STPG2: variants seen among roughly 807,000 people sequenced by gnomAD.
The protein encoded by STPG2 is sperm tail PG-rich repeat containing 2.
In STPG2, 56 loss-of-function variants were observed where a neutral mutation model predicts 54.2. That is an observed-to-expected ratio of 1.03 (90% CI 0.83 to 1.29). The LOEUF is 1.29. Among genes scored for constraint, STPG2 ranks in the 50% most tolerant of loss-of-function variants. STPG2 has a pLI of 0.00. For synonymous variants in STPG2, 200 were observed against 181.8 expected (o/e 1.10, Z -0.81); for missense variants, 596 against 544.9 (o/e 1.09, Z -0.93).
Position 98,022,380 on chromosome 4 carries a change from G to C in STPG2, c.613-41062C>G, listed in dbSNP as rs1736243438. On this transcript the variant is annotated intron_variant, in intron 5 of 10. Transcript: ENST00000295268. ...TTCTGGCTTGTAGAGTTTCTGCCAAGAGATCCACTGTTAGTCTGATGGGCT... is the reference window on the plus strand; with the variant it reads ...TTCTGGCTTGTAGAGTTTCTGCCAACAGATCCACTGTTAGTCTGATGGGCT... Among the ~76,000 whole-genome samples, 6 of 152,182 alleles carry C rather than the reference G, an allele frequency of 3.9e-5. No homozygotes were observed. In the South Asian group the frequency reaches 1.2e-3, roughly 32 times the overall value.
chr4:98,095,271 C>G (rs183035311), intron 5 of STPG2, among the ~76,000 whole-genome samples: 89 of 152,184 alleles, frequency 5.8e-4, no homozygotes, highest in Admixed American at 1.5e-3. Flanking sequence ...GAGAAGACCA[C>G]AAAACAACCA....
intron 1 of STPG2, among the ~76,000 whole-genome samples, chr4:98,138,190 T>C (rs1578189216): frequency 1.3e-5 from 2 of 151,980 alleles, no homozygotes; most frequent in South Asian, 4.1e-4. Context: ...GCCTGACAAA[T>C]AGACAATTAT....
In STPG2 at chr4:97,871,461, A is replaced by C. The variant is rs1729987931; in HGVS notation, c.1045-30529T>G. Among the ~76,000 whole-genome samples, 3 of 151,032 alleles carry C rather than the reference A, an allele frequency of 2.0e-5. No individual in the cohort carries two copies. The South Asian group carries it at 6.2e-4, about 31-fold the overall frequency. On this transcript the variant is annotated intron_variant, in intron 8 of 10. Transcript: ENST00000295268. ...TTTAAAAGTAAGGATTGACAGTTGA[A>C]AACAGGGAAATAATTATTGAATCAG...
intron 8 of STPG2, among the ~76,000 whole-genome samples, chr4:97,899,398 C>A (rs1180468647): frequency 1.3e-5 from 2 of 151,816 alleles, no homozygotes; most frequent in East Asian, 1.9e-4. Flanking sequence ...CCATACTGCC[C>A]AAAGCAATTT....
chr4:97,651,612 T>C (rs534785470), intron 10 of STPG2, among the ~76,000 whole-genome samples: 1 of 152,172 alleles, frequency 6.6e-6, no homozygotes, highest in South Asian at 2.1e-4. Flanking sequence ...TTTCAGACTT[T>C]GTTACAAGTT....
At chr4:97,587,319 A>G (rs1243666975) in intron 10 of STPG2, among the ~76,000 whole-genome samples, 1 of 151,984 alleles carries the variant, frequency 6.6e-6, no homozygotes, top group Admixed American at 6.6e-5. Context: ...GTTTATAATT[A>G]GGTACCATTG....
intron 10 of STPG2, among the ~76,000 whole-genome samples, chr4:97,666,903 C>T (rs1722546399): frequency 6.6e-6 from 1 of 152,092 alleles, no homozygotes; most frequent in East Asian, 1.9e-4. Context: ...TCCTAAATCA[C>T]CATTACTCCA....
chr4:97,946,293 T>C (rs980074687), intron 7 of STPG2, among the ~76,000 whole-genome samples: 15 of 152,216 alleles, frequency 9.9e-5, no homozygotes, highest in Non-Finnish European at 1.9e-4. Context: ...TTCTGCATAT[T>C]AGTCCTTTGC....
At chr4:97,845,145 A>G (rs776323787) in intron 8 of STPG2, among the ~76,000 whole-genome samples, 1 of 151,562 alleles carries the variant, frequency 6.6e-6, no homozygotes, top group Non-Finnish European at 1.5e-5. Flanking sequence ...TGATATTTAC[A>G]TATCTAATAA....
chr4:97,945,694 T>G (rs1733186442), intron 7 of STPG2, among the ~76,000 whole-genome samples: 1 of 151,972 alleles, frequency 6.6e-6, no homozygotes, highest in Non-Finnish European at 1.5e-5. Flanking sequence ...ATAAGCATTC[T>G]CTTTTCAAGA....
At chr4:97,498,911 T>C (rs1730665200) in intron 4 of STPG2, among the ~76,000 whole-genome samples, 1 of 151,522 alleles carries the variant, frequency 6.6e-6, no homozygotes, top group Non-Finnish European at 1.5e-5. Flanking sequence ...CCAGAAAAAG[T>C]AGAATGCCAA....
At chr4:97,706,733 A>G (rs1309315349) in intron 10 of STPG2, among the ~76,000 whole-genome samples, 2 of 152,136 alleles carry the variant, frequency 1.3e-5, no homozygotes, top group Non-Finnish European at 2.9e-5. Context: ...CACAGGATCT[A>G]CCACAGGATT....
At chr4:97,478,873 ATGTG>A (rs35662485) in intron 4 of STPG2, among the ~76,000 whole-genome samples, 25,092 of 133,746 alleles carry the variant, frequency 0.19, 2,331 homozygotes, top group Middle Eastern at 0.23. Context: ...CAAGCCAAAT[ATGTG>A]TGTGTGTGTG....
chr4:97,487,580 A>G (rs1730400108), intron 4 of STPG2, among the ~76,000 whole-genome samples: 1 of 151,540 alleles, frequency 6.6e-6, no homozygotes, highest in African/African-American at 2.4e-5. Context: ...AATGCATGTT[A>G]CACTTCATGG....
At position 97,995,951 on chromosome 4, in the gene STPG2, C is replaced by CA. The variant is rs1371163135; in HGVS notation, c.613-14634dup. Among the ~76,000 whole-genome samples the CA allele has an allele frequency of 3.3e-5, 5 of 151,772 alleles. No homozygotes were observed. The South Asian group carries it at 6.2e-4, about 19-fold the overall frequency. The stretch of plus-strand genomic sequence containing the variant: ...ACAAATCAGAGATGACACAAACAGA[C>CA]AAAAAAAATTCCATGCTCTGAGATA... On this transcript the variant is annotated intron_variant, in intron 5 of 10. Coordinates refer to ENST00000295268, the MANE Select transcript of STPG2 (RefSeq NM_174952.3).
At chr4:97,699,566 T>C (rs1723697992) in intron 10 of STPG2, among the ~76,000 whole-genome samples, 1 of 152,234 alleles carries the variant, frequency 6.6e-6, no homozygotes, top group Non-Finnish European at 1.5e-5. Flanking sequence ...ATCGTACATC[T>C]GGCCATTTCT....
intron 9 of STPG2, among the ~76,000 whole-genome samples, chr4:97,839,593 G>T (rs1236715941): frequency 2.0e-5 from 3 of 151,522 alleles, no homozygotes; most frequent in African/African-American, 7.3e-5. Context: ...AGTGTAATCA[G>T]GGACACACTA....
chr4:97,741,916 T>C (rs1239511690), intron 9 of STPG2, among the ~76,000 whole-genome samples: 2 of 152,118 alleles, frequency 1.3e-5, no homozygotes, highest in East Asian at 1.9e-4. Flanking sequence ...CATGCACACG[T>C]ATGTTTATTG....
At chr4:97,905,874 G>C (rs553277744) in intron 8 of STPG2, among the ~76,000 whole-genome samples, 1 of 152,064 alleles carries the variant, frequency 6.6e-6, no homozygotes, top group Non-Finnish European at 1.5e-5. Flanking sequence ...GCAGTGTGTA[G>C]AGGGAAATTT....
Sources: allele counts gnomAD v4.1 joint callset (sites outside exome capture counted in the v4.1 genomes callset), GRCh38; gene constraint gnomAD v4.1.1; transcripts MANE v1.5; gene names NCBI Gene and HGNC (gene_info 2026-07-23, HGNC 2026-07-21).